FRMD5: variants seen among roughly 807,000 people sequenced by gnomAD.
FRMD5 encodes the protein FERM domain containing 5.
Under a neutral mutation model 69.0 loss-of-function variants are expected in FRMD5, and 20 were observed. The ratio of observed to expected loss-of-function variants is 0.29; its 90% CI spans 0.20 to 0.42. The LOEUF is 0.42. FRMD5 is among the 10% of genes least tolerant of loss of function. The pLI is 1.00. For missense variants in FRMD5, 595 were observed against 708.6 expected (o/e 0.84, Z 1.82); for synonymous variants, 271 against 260.1 (o/e 1.04, Z -0.40).
In FRMD5 at chr15:44,185,657, G is replaced by A. The variant is rs370269754; in HGVS notation, c.102+9296C>T. Among the ~76,000 whole-genome samples the A allele has an allele frequency of 3.3e-5, 5 of 152,166 alleles. No homozygotes were observed. The East Asian group carries it at 7.8e-4, about 24-fold the overall frequency. On this transcript the variant is annotated intron_variant, in intron 1 of 13. Transcript: ENST00000417257. ...AAAATACAAAAATTAGCTGAGCGTG[G>A]TGGTGCATGCCTGTAATCCCAGCTA...
At chr15:44,011,898 G>A (rs1033515871) in intron 1 of FRMD5, among the ~76,000 whole-genome samples, 2 of 152,264 alleles carry the variant, frequency 1.3e-5, no homozygotes, top group Admixed American at 1.3e-4. Context: ...GCGAGACATC[G>A]AGGAGCATTT....
chr15:44,170,454 C>T (rs950057022), intron 1 of FRMD5, among the ~76,000 whole-genome samples: 2 of 148,702 alleles, frequency 1.3e-5, no homozygotes, highest in South Asian at 4.3e-4. Context: ...ACCCAGGAGG[C>T]GGAGGTTGCA....
chr15:43,928,393 T>A (rs1054489409), intron 1 of FRMD5, among the ~76,000 whole-genome samples: 3 of 152,204 alleles, frequency 2.0e-5, no homozygotes, highest in Non-Finnish European at 2.9e-5. Context: ...AACTTAGAGC[T>A]CTGCGCAGAG....
At chr15:43,999,973 T>TGCTATGC (rs1555392734) in intron 1 of FRMD5, among the ~76,000 whole-genome samples, 1 of 56,616 alleles carries the variant, frequency 1.8e-5, no homozygotes, top group Non-Finnish European at 3.8e-5. Context: ...TATATATATA[T>TGCTATGC]ATATATATAT....
In FRMD5 at chr15:43,874,043, G is replaced by C; in HGVS notation, c.1555C>G (p.Leu519Val). Reference protein sequence around the residue: ...MGLLFVLLLLLIILTESDLDI... With the variant: ...MGLLFVLLLLVIILTESDLDI... ...AGGTCAGACTCGGTAAGGATGATCA[G>C]GAGGAGGAGCAAAACAAAGAGGAGT... Residue 519 changes from leucine (L) to valine (V), a missense_variant, in exon 14 of 14, where the codon CTG becomes GTG. Physicochemically the swap from Leu to Val is conservative, Grantham distance 32. Around this residue, in one of 5 missense-constraint regions of FRMD5, gnomAD observed 245 missense variants for 227.1 expected, o/e 1.08. Coordinates refer to ENST00000417257, the MANE Select transcript of FRMD5 (RefSeq NM_032892.5). 3 of 1,614,234 alleles carry C rather than the reference G, an allele frequency of 1.9e-6. No homozygotes were observed. The highest frequency in any genetic ancestry group is 2.5e-6 in the Non-Finnish European group (3 of 1,180,036).
intron 5 of FRMD5, among the ~76,000 whole-genome samples, chr15:43,908,831 C>T (rs2089230525): frequency 1.3e-5 from 2 of 152,180 alleles, no homozygotes; most frequent in South Asian, 4.1e-4. Flanking sequence ...TACTTGGAAA[C>T]ACTTTCAACT....
At chr15:44,120,608 C>T (rs1354339725) in intron 1 of FRMD5, among the ~76,000 whole-genome samples, 2 of 148,024 alleles carry the variant, frequency 1.4e-5, no homozygotes, top group African/African-American at 2.5e-5. Context: ...ATCTCGGCTC[C>T]GCCTCCCGGG....
chr15:44,133,183 C>T (rs1165855771), intron 1 of FRMD5, among the ~76,000 whole-genome samples: 1 of 151,044 alleles, frequency 6.6e-6, no homozygotes, highest in Non-Finnish European at 1.5e-5. Flanking sequence ...CACTGCACTC[C>T]AGCCTGGCGA....
At chr15:43,964,801 G>A (rs760971226) in intron 1 of FRMD5, among the ~76,000 whole-genome samples, 1 of 152,114 alleles carries the variant, frequency 6.6e-6, no homozygotes, top group Non-Finnish European at 1.5e-5. Context: ...CCATACCATT[G>A]CTTTGGGTCT....
chr15:43,876,955 CCAAGGTTCT>C lies in FRMD5; in HGVS notation c.1136-2502_1136-2494del, dbSNP rs564618985. Among the ~76,000 whole-genome samples, 602 of 152,246 alleles carry C rather than the reference CCAAGGTTCT, an allele frequency of 4.0e-3. 4 individuals carry two copies. Among genetic ancestry groups the C allele is most frequent in the South Asian group, 0.015 (74 of 4,818 alleles). On this transcript the variant is annotated intron_variant, in intron 13 of 13. Transcript: ENST00000417257. ...ACTACCCATTATCTCTTCTCTCTTC[CCAAGGTTCT>C]CACAGGACTCAAGCCCTGGCAGGGA...
intron 1 of FRMD5, among the ~76,000 whole-genome samples, chr15:43,993,471 G>A (rs1234076703): frequency 6.6e-6 from 1 of 152,224 alleles, no homozygotes; most frequent in Non-Finnish European, 1.5e-5. Context: ...GGAATTACAG[G>A]CGTGAGCCAC....
At chr15:44,036,225 C>A (rs1030576641) in intron 1 of FRMD5, among the ~76,000 whole-genome samples, 1 of 152,114 alleles carries the variant, frequency 6.6e-6, no homozygotes, top group Admixed American at 6.5e-5. Flanking sequence ...AGGATAAGGG[C>A]ACATTTCTCC....
intron 1 of FRMD5, among the ~76,000 whole-genome samples, chr15:44,093,001 G>A (rs1466453344): frequency 7.5e-6 from 1 of 133,390 alleles, no homozygotes; most frequent in East Asian, 2.3e-4. Flanking sequence ...GCACAATCTC[G>A]GCTCACCACA....
chr15:44,097,858 T>A (rs879376463), intron 1 of FRMD5, among the ~76,000 whole-genome samples: 1 of 152,218 alleles, frequency 6.6e-6, no homozygotes, highest in Non-Finnish European at 1.5e-5. Context: ...GTTTTATACA[T>A]GCATTTGACT....
chr15:44,104,674 T>G (rs2076689308), intron 1 of FRMD5, among the ~76,000 whole-genome samples: 1 of 152,332 alleles, frequency 6.6e-6, no homozygotes, highest in East Asian at 1.9e-4. Flanking sequence ...GTTTGTAGCC[T>G]AAGAGCAATA....
chr15:44,190,620 G>T (rs1369406131), intron 1 of FRMD5, among the ~76,000 whole-genome samples: 2 of 152,136 alleles, frequency 1.3e-5, no homozygotes, highest in Non-Finnish European at 2.9e-5. Flanking sequence ...ATACCTCAAA[G>T]ACCTCATAAA....
intron 1 of FRMD5, among the ~76,000 whole-genome samples, chr15:43,949,509 A>C (rs769654506): frequency 3.3e-5 from 5 of 152,236 alleles, no homozygotes; most frequent in Non-Finnish European, 7.3e-5. Context: ...GATGCTCAAA[A>C]AAACACTGAA....
chr15:44,153,824 C>T (rs764479520), intron 1 of FRMD5, among the ~76,000 whole-genome samples: 10 of 152,176 alleles, frequency 6.6e-5, no homozygotes, highest in Admixed American at 4.6e-4. Flanking sequence ...AGAAATTAGC[C>T]GGGCATAATG....
intron 1 of FRMD5, among the ~76,000 whole-genome samples, chr15:43,986,312 C>T (rs947787157): frequency 2.6e-5 from 4 of 151,870 alleles, no homozygotes; most frequent in African/African-American, 7.3e-5. Flanking sequence ...AACTGGCTAA[C>T]GAAGATGAAA....
Sources: gnomAD v4.1 joint callset for allele counts (sites outside exome capture counted in the v4.1 genomes callset) on GRCh38, gnomAD v4.1.1 for gene constraint, gnomAD v4.1.1 regional missense constraint, MANE v1.5 for transcripts, NCBI Gene and HGNC (gene_info 2026-07-23, HGNC 2026-07-21) for gene names.